SIAH3: variants seen among roughly 807,000 people sequenced by gnomAD.
The protein encoded by SIAH3 is seven in absentia homolog 3.
A neutral mutation model predicts 12.6 loss-of-function variants in SIAH3; 9 were observed. The observed-to-expected ratio is 0.72, with a 90% CI of 0.43 to 1.25. The LOEUF is 1.25. SIAH3 is among the 50% of genes most tolerant of loss of function. SIAH3 has a pLI of 0.00. For synonymous variants in SIAH3, 154 were observed against 151.1 expected, an observed-to-expected ratio of 1.02 and a Z score of -0.14; for missense variants, 390 against 365.4, an observed-to-expected ratio of 1.07 and a Z score of -0.55.
intron 1 of SIAH3, among the ~76,000 whole-genome samples, chr13:45,843,028 C>CTG (rs1340055644): frequency 1.6e-5 from 1 of 62,838 alleles, no homozygotes; most frequent in African/African-American, 5.3e-5. Context: ...TTCTCTCTCT[C>CTG]TCTCTCTGTG....
intron 1 of SIAH3, among the ~76,000 whole-genome samples, chr13:45,845,966 C>A (rs570705648): frequency 1.3e-5 from 2 of 151,848 alleles, no homozygotes; most frequent in South Asian, 4.2e-4. Flanking sequence ...GGAAGGGGAC[C>A]CTTGCAAGTT....
chr13:45,832,798 C>CA (rs1394492503), intron 1 of SIAH3, among the ~76,000 whole-genome samples: 5 of 152,182 alleles, frequency 3.3e-5, no homozygotes, highest in African/African-American at 4.8e-5. Flanking sequence ...CAGCAATGCA[C>CA]AAGTGTTCCA....
chr13:45,847,152 G>A (rs1210099236), intron 1 of SIAH3, among the ~76,000 whole-genome samples: 2 of 152,226 alleles, frequency 1.3e-5, no homozygotes, highest in Non-Finnish European at 2.9e-5. Flanking sequence ...TGTCAGAGGT[G>A]ACTGTGTGGA....
intron 1 of SIAH3, among the ~76,000 whole-genome samples, chr13:45,845,231 T>C (rs1950754709): frequency 6.7e-6 from 1 of 150,230 alleles, no homozygotes; most frequent in African/African-American, 2.5e-5. Context: ...AGGTGCATTA[T>C]CACAATGTTG....
intron 1 of SIAH3, among the ~76,000 whole-genome samples, chr13:45,816,985 C>G (rs1485332839): frequency 6.6e-6 from 1 of 152,156 alleles, no homozygotes; most frequent in Non-Finnish European, 1.5e-5. Context: ...CCTGTTTACT[C>G]TCCTTACTAG....
At chr13:45,797,847 T>C (rs76262155) in intron 1 of SIAH3, among the ~76,000 whole-genome samples, 4,034 of 152,298 alleles carry the variant, frequency 0.026, 182 homozygotes, top group African/African-American at 0.092. Context: ...AGCATATTCT[T>C]AATAACCTCA....
chr13:45,849,501 A>T (rs1233534102), intron 1 of SIAH3, among the ~76,000 whole-genome samples: 2 of 152,196 alleles, frequency 1.3e-5, no homozygotes, highest in Admixed American at 1.3e-4. Flanking sequence ...ACCTCTTTTC[A>T]GTCTCAAAAG....
intron 1 of SIAH3, among the ~76,000 whole-genome samples, chr13:45,845,260 G>T (rs947095384): frequency 2.3e-5 from 2 of 88,504 alleles, no homozygotes; most frequent in African/African-American, 1.5e-4. Flanking sequence ...TGTATGCATT[G>T]TGCGTGTGTT....
rs186900442 is a variant in SIAH3, at chr13:45,785,430, A to C, written c.136-1373T>G. ...ACAGAGGGCAGGGGTGAAGGTCACCAGCCACTGTTGCTGCCAGAGTTTCTA... is the reference window on the plus strand; with the variant it reads ...ACAGAGGGCAGGGGTGAAGGTCACCCGCCACTGTTGCTGCCAGAGTTTCTA... On this transcript the variant is annotated intron_variant, in intron 1 of 1. Transcript: ENST00000400405. Among the ~76,000 whole-genome samples, 1,398 of 148,074 alleles carry C rather than the reference A, an allele frequency of 9.4e-3. 20 individuals are homozygous for C. The highest frequency in any genetic ancestry group is 0.033 in the African/African-American group (1,324 of 40,214).
intron 1 of SIAH3, among the ~76,000 whole-genome samples, chr13:45,817,912 T>C (rs1222541431): frequency 6.6e-6 from 1 of 152,188 alleles, no homozygotes; most frequent in Non-Finnish European, 1.5e-5. Flanking sequence ...GTCTATTGTA[T>C]GTGTGAGGAG....
intron 1 of SIAH3, among the ~76,000 whole-genome samples, chr13:45,820,104 C>T (rs986168615): frequency 6.6e-6 from 1 of 152,208 alleles, no homozygotes; most frequent in African/African-American, 2.4e-5. Flanking sequence ...AGGGAGGAAT[C>T]CGCACGACTT....
intron 1 of SIAH3, among the ~76,000 whole-genome samples, chr13:45,833,816 A>G (rs1344581438): frequency 6.6e-6 from 1 of 152,116 alleles, no homozygotes; most frequent in Non-Finnish European, 1.5e-5. Flanking sequence ...TCTCCCAAGC[A>G]TGGCGATGAC....
In SIAH3 at chr13:45,779,825, G is replaced by C. The variant is rs2137543902; in HGVS notation, c.*3558C>G. On this transcript the variant is annotated 3_prime_UTR_variant, in exon 2 of 2. Coordinates refer to ENST00000400405, the MANE Select transcript of SIAH3 (RefSeq NM_198849.3). ...AAAATGTCCAGAGTAGCCACAGCTA[G>C]TGATGGGGTTTACCAGGTACAGATT... 2.0e-5 allele frequency: 3 copies of C among 152,336 alleles called. No homozygotes were observed. The highest frequency in any genetic ancestry group is 7.2e-5 in the African/African-American group (3 of 41,570). The allele number at this position is 152,336 out of a possible 1,614,324, so 9.4% of individuals were successfully genotyped here.
chr13:45,825,080 TCTTA>T (rs766573754), intron 1 of SIAH3, among the ~76,000 whole-genome samples: 7 of 152,084 alleles, frequency 4.6e-5, no homozygotes, highest in African/African-American at 9.7e-5. Flanking sequence ...TTCCACGAGA[TCTTA>T]CTTACCCATC....
At chr13:45,789,329 T>C (rs1421393805) in intron 1 of SIAH3, among the ~76,000 whole-genome samples, 1 of 152,066 alleles carries the variant, frequency 6.6e-6, no homozygotes, top group Non-Finnish European at 1.5e-5. Flanking sequence ...GTATACGGAA[T>C]GTGATATAAA....
intron 1 of SIAH3, among the ~76,000 whole-genome samples, chr13:45,840,562 C>T (rs923959933): frequency 6.6e-6 from 1 of 152,108 alleles, no homozygotes; most frequent in African/African-American, 2.4e-5. Context: ...GAGGCTATTC[C>T]AGCAAGCAGG....
chr13:45,822,520 A>AATATATATATAT (rs36106322), intron 1 of SIAH3, among the ~76,000 whole-genome samples: 3,830 of 84,958 alleles, frequency 0.045, 250 homozygotes, highest in Non-Finnish European at 0.047. Context: ...TTCATTATCA[A>AATATATATATAT]ATATATATAT....
rs1216420719 is a variant in SIAH3, at chr13:45,779,585, C to T, written c.*3798G>A. On this transcript the variant is annotated 3_prime_UTR_variant, in exon 2 of 2. Transcript: ENST00000400405. ...GTCCCAGGCCCAGCTCTGCCATTTG[C>T]TAGCTGGGTGATCTTAAGCAAGTTG... 1.3e-5 allele frequency: 2 copies of T among 152,162 alleles called. No individual in the cohort carries two copies. The highest frequency in any genetic ancestry group is 4.8e-5 in the African/African-American group (2 of 41,426). 9.4% of individuals were successfully genotyped at this position (152,162 alleles called of 1,614,324 possible).
At chr13:45,801,103 G>GGT (rs1555257369) in intron 1 of SIAH3, among the ~76,000 whole-genome samples, 5 of 149,932 alleles carry the variant, frequency 3.3e-5, no homozygotes, top group East Asian at 4.0e-4. Flanking sequence ...GGCGGGGGGG[G>GGT]GCATGGCTGT....
Sources: gnomAD v4.1 joint callset for allele counts (sites outside exome capture counted in the v4.1 genomes callset) on GRCh38, gnomAD v4.1.1 for gene constraint, MANE v1.5 for transcripts, NCBI Gene and HGNC (gene_info 2026-07-23, HGNC 2026-07-21) for gene names.